The following RGPD3 variants were observed in gnomAD, a reference collection of about 807,000 sequenced individuals.
RGPD3 encodes ranBP2-like and GRIP domain-containing protein 3.
Under a neutral mutation model 154.5 loss-of-function variants are expected in RGPD3, and 62 were observed. That is an observed-to-expected ratio of 0.40 (90% confidence interval 0.33 to 0.50). The LOEUF (loss-of-function observed/expected upper bound fraction) is 0.50, where lower values mean the gene tolerates loss of function less well. Among genes scored for constraint, RGPD3 ranks in the 20% least tolerant of loss-of-function variants. The pLI, the probability that RGPD3 is intolerant of heterozygous loss-of-function variation, is 0.59. For synonymous variants in RGPD3, 308 were observed against 607.0 expected (o/e 0.51, Z 7.24); for missense variants, 919 against 1,716.8 (o/e 0.54, Z 8.21).
At chr2:106,468,997 T>G (rs1404377851), upstream of RGPD3, among the ~76,000 whole-genome samples, 1 of 129,232 alleles carries the variant, frequency 7.7e-6, no homozygotes, top group Admixed American at 8.4e-5. Context: ...ACTGCAGATA[T>G]GCAAACAAAA....
chr2:106,434,377 A>G lies in RGPD3; in HGVS notation c.2059-3T>C. ...TCTTCTGCCTTCCTGTGAAAAATCT[A>G]TACAAATAGTGCTTTTATGAAATCA... On this transcript the variant is annotated splice_polypyrimidine_tract_variant and splice_region_variant and intron_variant, in intron 14 of 22. Coordinates refer to ENST00000409886, the MANE Select transcript of RGPD3 (RefSeq NM_001144013.2). 6.2e-7 allele frequency: 1 copy of G among 1,611,608 alleles called. No homozygotes were observed. The highest frequency in any genetic ancestry group is 8.5e-7 in the Non-Finnish European group (1 of 1,179,696).
intron 2 of RGPD3, among the ~76,000 whole-genome samples, 167 bp downstream of exon 2, chr2:106,459,098 T>A (rs565801729): frequency 1.1e-4 from 16 of 147,354 alleles, no homozygotes; most frequent in Non-Finnish European, 2.1e-4. Context: ...GGTTTCAATC[T>A]CAATGGAATC....
intron 6 of RGPD3, among the ~76,000 whole-genome samples, chr2:106,451,052 G>A (rs1193312598): frequency 1.4e-5 from 2 of 140,362 alleles, no homozygotes; most frequent in Non-Finnish European, 3.0e-5. Context: ...TCGTGCCACT[G>A]CACTCCAGCC....
chr2:106,423,790 C>T lies in RGPD3; in HGVS notation c.4177G>A (p.Val1393Ile), dbSNP rs750285003. The T allele has an allele frequency of 4.0e-5, 65 of 1,611,876 alleles. 1 individual carries two copies. The highest frequency in any genetic ancestry group is 1.2e-4 in the Admixed American group (7 of 59,986). Residue 1393 changes from valine (V) to isoleucine (I), a missense_variant, in exon 20 of 23, where the codon GTT becomes ATT. By Grantham distance (29) the Val-to-Ile change is conservative (BLOSUM62 3). Coordinates refer to ENST00000409886, the MANE Select transcript of RGPD3 (RefSeq NM_001144013.2). The stretch of plus-strand genomic sequence containing the variant: ...TGGTCCCTTCTCATCAGTATACGAA[C>T]GTGCTTATTATCATAATTCTGTAAA... ...KILQNYDNKH[V>I]RILMRRDQVL... is the part of the protein sequence containing the mutation.
chr2:106,413,163 T>C lies in RGPD3; in HGVS notation c.5187A>G (p.Arg1729=). ...QFIFLKPGSE[R]ERLLPVINTM... Reference sequence around the variant, plus strand: ...TATTTATAACAGGAAGAAGTCTCTCTCTTTCACTACCTGGCTTCAAGAAAA... The same window carrying C: ...TATTTATAACAGGAAGAAGTCTCTCCCTTTCACTACCTGGCTTCAAGAAAA... Residue 1729 remains arginine, a synonymous_variant, in exon 22 of 23, where the codon AGA becomes AGG. Coordinates refer to ENST00000409886, the MANE Select transcript of RGPD3 (RefSeq NM_001144013.2). 6.2e-7 allele frequency: 1 copy of C among 1,611,898 alleles called. No individual in the cohort carries two copies. Among genetic ancestry groups the C allele is most frequent in the South Asian group, 1.1e-5 (1 of 90,940 alleles).
Position 106,404,968 on chromosome 2 carries a change from G to C in RGPD3, c.*251C>G, listed in dbSNP as rs574047514. 108 of 594,702 alleles carry C rather than the reference G, an allele frequency of 1.8e-4. No homozygotes were observed. Among genetic ancestry groups the C allele is most frequent in the East Asian group, 7.1e-4 (24 of 33,576 alleles). 36.8% of individuals were successfully genotyped at this position (594,702 alleles called of 1,614,324 possible). ...ACATGAGTTAGAGGGCTGTGGCCTG[G>C]TATCAACACTTCAAGCTGTTGTACT... On this transcript the variant is annotated 3_prime_UTR_variant, in exon 23 of 23. Transcript: ENST00000409886.
At chr2:106,411,577 C>A (rs1676673296) in intron 22 of RGPD3, among the ~76,000 whole-genome samples, 1 of 150,614 alleles carries the variant, frequency 6.6e-6, no homozygotes, top group Admixed American at 6.7e-5. Flanking sequence ...ACCTGTAATC[C>A]CAGCACTTTG....
chr2:106,467,700 C>T (rs577584740), intron 1 of RGPD3, among the ~76,000 whole-genome samples: 18 of 142,248 alleles, frequency 1.3e-4, no homozygotes, highest in South Asian at 6.6e-4. Context: ...TCGAGGCAGC[C>T]GCCGGGCCAG....
intron 15 of RGPD3, 74 bp downstream of exon 15, chr2:106,434,154 A>T: frequency 6.3e-7 from 1 of 1,598,552 alleles, no homozygotes; most frequent in Non-Finnish European, 8.5e-7. Context: ...AAATTACCAA[A>T]ATATAAGACC....
At chr2:106,466,077 C>CA (rs1470822662) in intron 1 of RGPD3, among the ~76,000 whole-genome samples, 1 of 149,778 alleles carries the variant, frequency 6.7e-6, no homozygotes, top group Admixed American at 6.6e-5. Context: ...CCCGGGTGCC[C>CA]AAGCCCCCGA....
chr2:106,446,946 T>C (rs1198922559), intron 7 of RGPD3, among the ~76,000 whole-genome samples: 1 of 135,540 alleles, frequency 7.4e-6, no homozygotes, highest in Non-Finnish European at 1.6e-5. Flanking sequence ...AGATATACTG[T>C]TACATATACA....
intron 20 of RGPD3, among the ~76,000 whole-genome samples, chr2:106,421,723 G>A (rs75188069): frequency 0.056 from 8,496 of 151,582 alleles, 338 homozygotes; most frequent in Non-Finnish European, 0.083. Context: ...AGCCCTACAG[G>A]GACACTCTTC....
intron 6 of RGPD3, among the ~76,000 whole-genome samples, chr2:106,448,937 CG>C (rs1678018925): frequency 6.6e-6 from 1 of 151,038 alleles, no homozygotes; most frequent in African/African-American, 2.4e-5. Context: ...GTGATCCACC[CG>C]CCTTGGCCTC....
chr2:106,441,702 A>T (rs916754171), intron 7 of RGPD3, among the ~76,000 whole-genome samples: 5 of 150,700 alleles, frequency 3.3e-5, no homozygotes, highest in African/African-American at 1.2e-4. Context: ...TAAAAATAAA[A>T]AAAAAAAACA....
chr2:106,467,092 C>G (rs1244812894), intron 1 of RGPD3, among the ~76,000 whole-genome samples: 4 of 111,676 alleles, frequency 3.6e-5, no homozygotes, highest in Non-Finnish European at 7.7e-5. Context: ...TCGAGGCCGC[C>G]GCAGGGCCAG....
At chr2:106,412,698 C>G (rs1178678663) in intron 22 of RGPD3, 20 of 462,512 alleles carry the variant, frequency 4.3e-5, no homozygotes, top group Non-Finnish European at 7.7e-5. Context: ...TTGTCTTAAG[C>G]TATTTGGGGT....
chr2:106,418,798 C>T (rs918022127), intron 20 of RGPD3, among the ~76,000 whole-genome samples: 1 of 149,770 alleles, frequency 6.7e-6, no homozygotes, highest in African/African-American at 2.5e-5. Flanking sequence ...AAACTCCTGG[C>T]CTCATGTGAT....
At chr2:106,413,596 C>T (rs1179944660) in intron 21 of RGPD3, among the ~76,000 whole-genome samples, 1 of 152,220 alleles carries the variant, frequency 6.6e-6, no homozygotes, top group East Asian at 1.9e-4. Context: ...ACTCCACTGT[C>T]CTAAGCTATT....
chr2:106,468,241 C>T lies in RGPD3; in HGVS notation c.48G>A (p.Gln16=), dbSNP rs369847912. The T allele has an allele frequency of 1.9e-4, 308 of 1,607,714 alleles. 1 individual carries two copies. Among genetic ancestry groups the T allele is most frequent in the Non-Finnish European group, 2.4e-4 (284 of 1,178,274 alleles). ...CCTTTCGAGGCGACGGGGCGGAGCC[C>T]TGCACCGAGGCGACGTACCGCTCCC... ...AYGERYVASV[Q]GSAPSPRKKS... The change falls in exon 1 of 23, where the codon CAG becomes CAA. Residue 16 remains glutamine, a synonymous_variant. Coordinates refer to ENST00000409886, the MANE Select transcript of RGPD3 (RefSeq NM_001144013.2).
Sources: allele counts gnomAD v4.1 joint callset (sites outside exome capture counted in the v4.1 genomes callset), GRCh38; gene constraint gnomAD v4.1.1; transcripts MANE v1.5; gene names NCBI Gene and HGNC (gene_info 2026-07-23, HGNC 2026-07-21).